Variants in NBEA observed in about 807,000 individuals in gnomAD.
NBEA encodes neurobeachin, also known as lysosomal-trafficking regulator 2.
In NBEA, 44 loss-of-function variants were observed where a neutral mutation model predicts 343.4. The observed-to-expected ratio is 0.13, with a 90% CI of 0.10 to 0.16. The LOEUF (loss-of-function observed/expected upper bound fraction) is 0.16. Ranked by LOEUF, NBEA falls within the 10% of genes least tolerant of loss-of-function variation. The probability of loss-of-function intolerance (pLI) is 1.00; values close to 1 mark genes in which losing one functional copy is unlikely to be tolerated. For synonymous variants in NBEA, 1,175 were observed against 1,238.7 expected (o/e 0.95, Z 1.08); for missense variants, 2,555 against 3,631.3 (o/e 0.70, Z 7.62).
At chr13:35,464,390 C>T (rs1383456078) in intron 40 of NBEA, among the ~76,000 whole-genome samples, 1 of 152,184 alleles carries the variant, frequency 6.6e-6, no homozygotes, top group Non-Finnish European at 1.5e-5. Context: ...GCTCACAATG[C>T]TCTCGAAGAC....
chr13:35,553,223 C>T (rs1198769508), intron 43 of NBEA, among the ~76,000 whole-genome samples: 3 of 152,102 alleles, frequency 2.0e-5, no homozygotes, highest in East Asian at 1.9e-4. Context: ...AAACTGAAAA[C>T]AAAAGGCAGC....
chr13:35,138,344 A>G (rs1026992334), intron 17 of NBEA, among the ~76,000 whole-genome samples: 2 of 152,146 alleles, frequency 1.3e-5, no homozygotes, highest in African/African-American at 4.8e-5. Flanking sequence ...ATCCTAAGGA[A>G]ATAACCATGG....
At chr13:35,049,306 A>G (rs2062980398) in intron 5 of NBEA, among the ~76,000 whole-genome samples, 1 of 151,818 alleles carries the variant, frequency 6.6e-6, no homozygotes, top group Non-Finnish European at 1.5e-5. Flanking sequence ...GTGTTTATAT[A>G]TATGATTTCA....
intron 55 of NBEA, among the ~76,000 whole-genome samples, chr13:35,662,333 G>A (rs1179814365): frequency 6.6e-6 from 1 of 152,210 alleles, no homozygotes; most frequent in Non-Finnish European, 1.5e-5. Flanking sequence ...TGAGGGCAAC[G>A]GCGGTGGCCC....
intron 34 of NBEA, among the ~76,000 whole-genome samples, chr13:35,233,205 A>C (rs2075066550): frequency 6.6e-6 from 1 of 152,146 alleles, no homozygotes; most frequent in Non-Finnish European, 1.5e-5. Context: ...TGTTTTATGA[A>C]TATTTCTGAG....
At chr13:35,029,134 T>C (rs1444898) in intron 1 of NBEA, among the ~76,000 whole-genome samples, 151,277 of 151,562 alleles carry the variant, frequency 1, 75,498 homozygotes, top group Middle Eastern at 1. Flanking sequence ...TTCTTGTCTA[T>C]TTGACTGTTG....
At chr13:35,461,524 G>A (rs1236958219) in intron 40 of NBEA, among the ~76,000 whole-genome samples, 1 of 152,130 alleles carries the variant, frequency 6.6e-6, no homozygotes, top group Non-Finnish European at 1.5e-5. Flanking sequence ...TGTGAATGAG[G>A]ATATTGATCA....
chr13:35,196,904 G>A (rs140072839), intron 31 of NBEA, among the ~76,000 whole-genome samples: 55 of 152,074 alleles, frequency 3.6e-4, no homozygotes, highest in African/African-American at 1.2e-3. Flanking sequence ...TTTAGGTATC[G>A]AAACTATTTA....
chr13:35,054,598 T>C (rs1447064256), intron 6 of NBEA, among the ~76,000 whole-genome samples: 5 of 151,800 alleles, frequency 3.3e-5, no homozygotes, highest in Admixed American at 3.3e-4. Context: ...TACTGACTTT[T>C]TTGAGTTAAT....
At chr13:35,106,008 A>G (rs146660088) in intron 11 of NBEA, among the ~76,000 whole-genome samples, 5 of 152,118 alleles carry the variant, frequency 3.3e-5, no homozygotes, top group African/African-American at 1.2e-4. Flanking sequence ...TAGTGCTCCT[A>G]TTTGGTTTAG....
In NBEA at chr13:34,942,817, G is replaced by A. The variant is rs2059069693; in HGVS notation, c.-4G>A. The A allele has an allele frequency of 7.3e-7, 1 of 1,363,254 alleles. No homozygotes were observed. The highest frequency in any genetic ancestry group is 1.6e-5 in the South Asian group (1 of 60,936). The allele number at this position is 1,363,254 out of a possible 1,614,324, so 84.4% of individuals were successfully genotyped here. A position where few individuals can be genotyped will look rare whatever the true frequency, so the allele number is the denominator to read the frequency against. On this transcript the variant is annotated 5_prime_UTR_variant, in exon 1 of 59. Coordinates refer to ENST00000379939, the MANE Select transcript of NBEA (RefSeq NM_001385012.1). ...CTCTTCCCTTCTCCTCAGGAGGGGG[G>A]CCAATGGCTAGCGAGAAGCCGGGCC...
In NBEA at chr13:35,341,271, G is replaced by A. The variant is rs189641306; in HGVS notation, c.5904-7837G>A. Among the ~76,000 whole-genome samples the A allele has an allele frequency of 7.6e-4, 116 of 151,978 alleles. No homozygotes were observed. The East Asian group carries it at 0.021, about 28-fold the overall frequency. ...AAAAATGAATTCAAAATGCATGAAA[G>A]ACCCAAATGTGAGAACTATAACTAT... On this transcript the variant is annotated intron_variant, in intron 36 of 58. Coordinates refer to ENST00000379939, the MANE Select transcript of NBEA (RefSeq NM_001385012.1).
chr13:35,525,492 G>A (rs1412199823), intron 41 of NBEA, among the ~76,000 whole-genome samples: 1 of 152,120 alleles, frequency 6.6e-6, no homozygotes, highest in Admixed American at 6.5e-5. Flanking sequence ...GGCAGAGGTT[G>A]CAGGAAGCCA....
At chr13:35,230,592 G>T (rs1031978895) in intron 33 of NBEA, among the ~76,000 whole-genome samples, 5 of 152,138 alleles carry the variant, frequency 3.3e-5, no homozygotes, top group Admixed American at 2.0e-4. Flanking sequence ...GAGGGAATTA[G>T]TTTAGCTGGG....
chr13:35,057,747 T>G (rs942095231), intron 7 of NBEA, among the ~76,000 whole-genome samples: 1 of 152,056 alleles, frequency 6.6e-6, no homozygotes, highest in African/African-American at 2.4e-5. Context: ...GACAGTATCT[T>G]GGAAAGAAAA....
intron 23 of NBEA, among the ~76,000 whole-genome samples, chr13:35,163,627 A>C (rs2069748480): frequency 6.6e-6 from 1 of 152,048 alleles, no homozygotes; most frequent in African/African-American, 2.4e-5. Context: ...CAAAAAAAAA[A>C]AAAAAATTAT....
chr13:35,272,952 A>C (rs1313888979), intron 34 of NBEA, among the ~76,000 whole-genome samples: 1 of 152,162 alleles, frequency 6.6e-6, no homozygotes, highest in Non-Finnish European at 1.5e-5. Flanking sequence ...AATGAGACCA[A>C]AGGTTAACAA....
At chr13:34,959,108 G>A (rs1027344664) in intron 1 of NBEA, among the ~76,000 whole-genome samples, 2 of 152,070 alleles carry the variant, frequency 1.3e-5, no homozygotes, top group Non-Finnish European at 2.9e-5. Flanking sequence ...AGTATTATAT[G>A]TAATAATACA....
chr13:35,459,007 C>G (rs1457631949), intron 40 of NBEA, among the ~76,000 whole-genome samples: 2 of 89,798 alleles, frequency 2.2e-5, no homozygotes, highest in African/African-American at 1.5e-4. Flanking sequence ...TTACCACCGC[C>G]CCCCCCCCCC....
Sources: gnomAD v4.1 joint callset for allele counts (sites outside exome capture counted in the v4.1 genomes callset) on GRCh38, gnomAD v4.1.1 for gene constraint, MANE v1.5 for transcripts, NCBI Gene and HGNC (gene_info 2026-07-23, HGNC 2026-07-21) for gene names.